TSNARE1: variants seen among roughly 807,000 people sequenced by gnomAD.
TSNARE1 encodes the protein t-SNARE domain-containing protein 1.
A neutral mutation model predicts 62.0 loss-of-function variants in TSNARE1; 49 were observed. That is an observed-to-expected ratio of 0.79 (90% confidence interval 0.63 to 1.00). The LOEUF is 1.00. TSNARE1 is among the 50% of genes least tolerant of loss of function. The pLI is 0.00. For missense variants in TSNARE1, 755 were observed against 700.1 expected (o/e 1.08, Z -0.88); for synonymous variants, 328 against 294.4 (o/e 1.11, Z -1.17).
chr8:142,377,606 G>A (rs949554189), intron 1 of TSNARE1, among the ~76,000 whole-genome samples: 1 of 152,214 alleles, frequency 6.6e-6, no homozygotes, highest in Non-Finnish European at 1.5e-5. Context: ...CCCAGCCAGA[G>A]GATGCCAGCA....
At chr8:142,217,950 G>A (rs1217513857) in intron 13 of TSNARE1, among the ~76,000 whole-genome samples, 1 of 96,082 alleles carries the variant, frequency 1.0e-5, no homozygotes, top group Admixed American at 9.9e-5. Flanking sequence ...GTATGAGCAG[G>A]ATCAGGGCTC....
intron 2 of TSNARE1, among the ~76,000 whole-genome samples, chr8:142,347,122 G>A (rs555057272): frequency 1.4e-4 from 22 of 152,354 alleles, no homozygotes; most frequent in Admixed American, 1.2e-3. Context: ...CTGGTGGGGG[G>A]AAGAGGGAGA....
intron 12 of TSNARE1, among the ~76,000 whole-genome samples, chr8:142,239,808 A>G (rs933862574): frequency 5.3e-5 from 8 of 152,186 alleles, no homozygotes; most frequent in African/African-American, 1.7e-4. Flanking sequence ...AGGGCTGGGG[A>G]TTGGAGCATC....
At chr8:142,348,560 G>A (rs189599443) in intron 2 of TSNARE1, among the ~76,000 whole-genome samples, 23 of 60,034 alleles carry the variant, frequency 3.8e-4, no homozygotes, top group African/African-American at 7.9e-4. Flanking sequence ...GGCTGCTCCC[G>A]GCACCCCATG....
intron 3 of TSNARE1, among the ~76,000 whole-genome samples, chr8:142,345,210 G>A (rs1478711204): frequency 2.0e-5 from 3 of 152,212 alleles, no homozygotes; most frequent in Admixed American, 6.5e-5. Context: ...GACAGTGCCC[G>A]ACACTGCAGG....
chr8:142,249,777 C>T (rs1818067036), intron 12 of TSNARE1, among the ~76,000 whole-genome samples: 2 of 152,214 alleles, frequency 1.3e-5, no homozygotes, highest in South Asian at 2.1e-4. Flanking sequence ...GGCACTCCTC[C>T]TCCCTCTCCC....
At chr8:142,300,348 C>A in intron 10 of TSNARE1, 138 bp downstream of exon 10, 1 of 1,004,684 alleles carries the variant, frequency 1.0e-6, no homozygotes, top group Non-Finnish European at 1.4e-6. Flanking sequence ...TTAGAATGGG[C>A]AAGGCCATGG....
intron 10 of TSNARE1, among the ~76,000 whole-genome samples, chr8:142,298,547 G>A (rs945126514): frequency 1.8e-4 from 27 of 152,302 alleles, no homozygotes; most frequent in Admixed American, 3.9e-4. Flanking sequence ...GTGAGCGCCA[G>A]GAGGCTGGAG....
At chr8:142,294,745 G>A (rs1440475174) in intron 10 of TSNARE1, among the ~76,000 whole-genome samples, 1 of 152,238 alleles carries the variant, frequency 6.6e-6, no homozygotes, top group Non-Finnish European at 1.5e-5. Context: ...GCCCTACAGA[G>A]GAGCTGCTGC....
intron 12 of TSNARE1, among the ~76,000 whole-genome samples, chr8:142,247,232 C>T (rs533005552): frequency 1.3e-5 from 2 of 152,150 alleles, no homozygotes; most frequent in East Asian, 1.9e-4. Flanking sequence ...CCCATGAGAA[C>T]GGCTGCCTGG....
chr8:142,356,506 G>C (rs1372099809), intron 1 of TSNARE1, among the ~76,000 whole-genome samples: 1 of 152,210 alleles, frequency 6.6e-6, no homozygotes, highest in Non-Finnish European at 1.5e-5. Flanking sequence ...AGCGAGCAGA[G>C]AGCTCTGCAC....
chr8:142,397,078 G>C (rs1322551222), intron 1 of TSNARE1, among the ~76,000 whole-genome samples: 57 of 139,402 alleles, frequency 4.1e-4, no homozygotes, highest in African/African-American at 1.5e-3. Flanking sequence ...TCACAGGAGA[G>C]AGGCAGCTCC....
Position 142,344,121 on chromosome 8 carries a change from C to A in TSNARE1, c.590G>T (p.Arg197Leu), listed in dbSNP as rs200559261. The A allele has an allele frequency of 1.9e-6, 3 of 1,612,052 alleles. No individual in the cohort carries two copies. The highest frequency in any genetic ancestry group is 2.2e-5 in the East Asian group (1 of 44,832). ...KWRDLRAVVR[R>L]KLGDLRKAAH... is the part of the protein sequence containing the mutation. ...CGCCTTCCGGAGGTCGCCCAGCTTG[C>A]GCCGCACGACGGCTCGTAGGTCCCG... Residue 197 changes from arginine to leucine, a missense_variant, in exon 4 of 14, where the codon CGC becomes CTC. By Grantham distance (102) the Arg-to-Leu change is moderately radical. Transcript: ENST00000524325.
intron 2 of TSNARE1, 102 bp downstream of exon 2, chr8:142,354,534 AG>A: frequency 1.3e-6 from 1 of 794,444 alleles, no homozygotes; most frequent in Non-Finnish European, 2.0e-6. Context: ...TTTCCTCAAA[AG>A]AACAGAACTG....
At chr8:142,212,942 C>T (rs1158406876) in intron 13 of TSNARE1, among the ~76,000 whole-genome samples, 3 of 99,598 alleles carry the variant, frequency 3.0e-5, no homozygotes, top group Non-Finnish European at 6.2e-5. Context: ...TCTCTCCCAT[C>T]CTTTCTCCTC....
intron 11 of TSNARE1, chr8:142,276,423 C>G (rs1312006714): frequency 1.0e-6 from 1 of 985,368 alleles, no homozygotes; most frequent in Admixed American, 6.1e-5. Flanking sequence ...AGGCGCTAGC[C>G]TGGGCCCGGG....
At chr8:142,308,080 T>A (rs1302431310) in intron 9 of TSNARE1, among the ~76,000 whole-genome samples, 2 of 152,238 alleles carry the variant, frequency 1.3e-5, no homozygotes, top group African/African-American at 4.8e-5. Context: ...TGTTTTTCAA[T>A]AGAGTTGTCT....
At position 142,229,583 on chromosome 8, in the gene TSNARE1, GGAGA is replaced by G. The variant is rs367749353; in HGVS notation, c.1447-8_1447-5del. On this transcript the variant is annotated splice_polypyrimidine_tract_variant and splice_region_variant and intron_variant, in intron 12 of 13. Transcript: ENST00000524325. ...ACTTGATCTTGTGTCTCTGGAGCTG[GGAGA>G]GAGAGAGAGGTTGTTTCCATATCCT... The G allele has an allele frequency of 3.1e-6, 5 of 1,610,990 alleles. No homozygotes were observed. Among genetic ancestry groups the G allele is most frequent in the African/African-American group, 1.3e-5 (1 of 74,832 alleles).
chr8:142,398,893 G>C (rs1564022443), intron 1 of TSNARE1, among the ~76,000 whole-genome samples: 1 of 152,180 alleles, frequency 6.6e-6, no homozygotes. Context: ...GTGCAGCACA[G>C]TCCGGATTTG....
Sources: gnomAD v4.1 joint callset for allele counts (sites outside exome capture counted in the v4.1 genomes callset) on GRCh38, gnomAD v4.1.1 for gene constraint, MANE v1.5 for transcripts, NCBI Gene and HGNC (gene_info 2026-07-23, HGNC 2026-07-21) for gene names.